AKAP19: variants seen among roughly 807,000 people sequenced by gnomAD.
The protein encoded by AKAP19 is A-kinase anchoring protein 19.
chr2:190,065,015 T>G, the AKAP19 span, among the ~76,000 whole-genome samples: 1 of 152,158 alleles, frequency 6.6e-6, no homozygotes, highest in Non-Finnish European at 1.5e-5. Flanking sequence ...AAAATTTGAG[T>G]CCTATCTGAC....
chr2:189,974,285 G>A, the AKAP19 span, among the ~76,000 whole-genome samples: 3 of 152,090 alleles, frequency 2.0e-5, no homozygotes, highest in Admixed American at 6.6e-5. Context: ...GTAGTTGAAC[G>A]GTTTTGAGTG....
At chr2:190,118,361 A>G in the AKAP19 span, among the ~76,000 whole-genome samples, 2 of 152,244 alleles carry the variant, frequency 1.3e-5, no homozygotes, top group African/African-American at 2.4e-5. Flanking sequence ...TCCCTAACTC[A>G]TTTAATGAGG....
chr2:190,068,968 T>C, the AKAP19 span, among the ~76,000 whole-genome samples: 1 of 152,154 alleles, frequency 6.6e-6, no homozygotes, highest in Non-Finnish European at 1.5e-5. Context: ...TCACACCGTG[T>C]GGCTCTTAAC....
the AKAP19 span, among the ~76,000 whole-genome samples, chr2:189,958,270 A>G: frequency 6.6e-6 from 1 of 152,104 alleles, no homozygotes; most frequent in African/African-American, 2.4e-5. Flanking sequence ...TGGCCCATAA[A>G]CAGTCTAAAA....
chr2:190,037,107 G>A, the AKAP19 span, among the ~76,000 whole-genome samples: 4 of 152,318 alleles, frequency 2.6e-5, no homozygotes, highest in African/African-American at 9.6e-5. Flanking sequence ...AAGTTCCAAT[G>A]AGAGCGGAAA....
the AKAP19 span, among the ~76,000 whole-genome samples, chr2:189,916,836 A>G: frequency 6.6e-6 from 1 of 152,102 alleles, no homozygotes; most frequent in Non-Finnish European, 1.5e-5. Flanking sequence ...TGGATGTACC[A>G]CAGTTTGTTT....
At chr2:190,009,866 G>C in the AKAP19 span, among the ~76,000 whole-genome samples, 1 of 151,886 alleles carries the variant, frequency 6.6e-6, no homozygotes, top group Non-Finnish European at 1.5e-5. Flanking sequence ...ATGACCAGTA[G>C]GGTCCTAGGA....
chr2:190,201,791 T>TC, the AKAP19 span: 1 of 166,992 alleles, frequency 6.0e-6, no homozygotes, highest in Non-Finnish European at 1.5e-5. Context: ...CCAAACCCAT[T>TC]CATACAAGGA....
chr2:190,001,359 A>G, the AKAP19 span, among the ~76,000 whole-genome samples: 101 of 152,176 alleles, frequency 6.6e-4, 4 homozygotes, highest in South Asian at 0.02. Flanking sequence ...TCTCCCCCCA[A>G]TATGGATTTT....
At chr2:190,008,178 A>AT in the AKAP19 span, among the ~76,000 whole-genome samples, 1 of 152,352 alleles carries the variant, frequency 6.6e-6, no homozygotes, top group African/African-American at 2.4e-5. Flanking sequence ...AACACAATAG[A>AT]TGAAACTCAC....
chr2:190,011,615 T>C, the AKAP19 span, among the ~76,000 whole-genome samples: 6 of 152,232 alleles, frequency 3.9e-5, no homozygotes, highest in Non-Finnish European at 8.8e-5. Flanking sequence ...AAATACAGTG[T>C]GAGATAAGGG....
chr2:189,938,403 G>A, the AKAP19 span, among the ~76,000 whole-genome samples: 1 of 151,114 alleles, frequency 6.6e-6, no homozygotes, highest in Non-Finnish European at 1.5e-5. Flanking sequence ...CCATGAAAAA[G>A]AATGAGATTC....
chr2:190,200,360 T>C, the AKAP19 span: 1 of 532,462 alleles, frequency 1.9e-6, no homozygotes, highest in Non-Finnish European at 3.5e-6. Flanking sequence ...TTTAGTCATC[T>C]GAAGGGCTGA....
the AKAP19 span, among the ~76,000 whole-genome samples, chr2:189,929,982 T>C: frequency 2.0e-5 from 3 of 152,234 alleles, no homozygotes; most frequent in African/African-American, 7.2e-5. Context: ...ACAGCTGCTG[T>C]AACACTTTAC....
the AKAP19 span, among the ~76,000 whole-genome samples, chr2:189,942,173 G>C: frequency 6.6e-5 from 10 of 152,138 alleles, no homozygotes; most frequent in Non-Finnish European, 7.3e-5. Context: ...GGAAAGGTTT[G>C]GATCATGGGT....
At chr2:190,161,073 C>G in the AKAP19 span, among the ~76,000 whole-genome samples, 1 of 152,054 alleles carries the variant, frequency 6.6e-6, no homozygotes, top group Admixed American at 6.5e-5. Context: ...GGGCCAAAAC[C>G]AGAGTTTCAA....
At chr2:190,013,582 C>G in the AKAP19 span, among the ~76,000 whole-genome samples, 11 of 152,096 alleles carry the variant, frequency 7.2e-5, no homozygotes, top group African/African-American at 2.7e-4. Flanking sequence ...GCGGCGTGAT[C>G]TTGGCTCACT....
the AKAP19 span, among the ~76,000 whole-genome samples, chr2:190,162,883 T>G: frequency 3.2e-4 from 48 of 152,276 alleles, no homozygotes; most frequent in African/African-American, 1.1e-3. Context: ...AATTATATAT[T>G]TGTCTAGATA....
At chr2:190,159,412 C>T in the AKAP19 span, among the ~76,000 whole-genome samples, 1 of 152,192 alleles carries the variant, frequency 6.6e-6, no homozygotes, top group Non-Finnish European at 1.5e-5. Context: ...AAAACATCTA[C>T]TCTCTGGTTA....
Sources: gnomAD v4.1 joint callset for allele counts (sites outside exome capture counted in the v4.1 genomes callset) on GRCh38, gnomAD v4.1.1 for gene constraint, MANE v1.5 for transcripts, NCBI Gene and HGNC (gene_info 2026-07-23, HGNC 2026-07-21) for gene names.